FHAD1: variants seen among roughly 807,000 people sequenced by gnomAD.
FHAD1 encodes forkhead associated phosphopeptide binding domain 1.
A neutral mutation model predicts 191.3 loss-of-function variants in FHAD1; 146 were observed. The observed-to-expected ratio is 0.76, with a 90% CI of 0.67 to 0.88. The LOEUF is 0.88. Ranked by LOEUF, FHAD1 falls within the 40% of genes least tolerant of loss-of-function variation. The pLI is 0.00. For synonymous variants in FHAD1, 616 were observed against 672.3 expected, an observed-to-expected ratio of 0.92 and a Z score of 1.29; for missense variants, 1,635 against 1,785.8, an observed-to-expected ratio of 0.92 and a Z score of 1.52.
At chr1:15,252,072 AG>A (rs1646849185) in intron 2 of FHAD1, among the ~76,000 whole-genome samples, 195 bp downstream of exon 2, 1 of 152,182 alleles carries the variant, frequency 6.6e-6, no homozygotes, top group African/African-American at 2.4e-5. Context: ...AGTGAAGCTG[AG>A]TGCTGTACAG....
intron 6 of FHAD1, 146 bp from the exon 7 acceptor site, chr1:15,308,467 T>A: frequency 9.4e-7 from 1 of 1,064,162 alleles, no homozygotes; most frequent in Non-Finnish European, 1.3e-6. Context: ...CCCTGTCCCT[T>A]CCACTGGTTA....
chr1:15,270,457 G>A (rs1471124526), intron 2 of FHAD1, among the ~76,000 whole-genome samples: 16 of 152,082 alleles, frequency 1.1e-4, no homozygotes, highest in Admixed American at 1.0e-3. Flanking sequence ...CTACCAAATG[G>A]GAAACTATCT....
At chr1:15,397,139 C>T (rs1354433505) in intron 33 of FHAD1, among the ~76,000 whole-genome samples, 158 bp from the exon 34 acceptor site, 5 of 147,824 alleles carry the variant, frequency 3.4e-5, no homozygotes, top group South Asian at 2.2e-4. Context: ...TGCAGTGAGC[C>T]GAGATCACAC....
chr1:15,265,724 C>A (rs1653122467), intron 2 of FHAD1, among the ~76,000 whole-genome samples: 1 of 152,098 alleles, frequency 6.6e-6, no homozygotes, highest in Non-Finnish European at 1.5e-5. Context: ...GTAATCCCAG[C>A]ACTTTTGGAG....
Position 15,289,653 on chromosome 1 carries a change from C to G in FHAD1, c.555C>G (p.Pro185=). 6.5e-7 allele frequency: 1 copy of G among 1,548,166 alleles called. No individual in the cohort carries two copies. Among genetic ancestry groups the G allele is most frequent in the Non-Finnish European group, 8.7e-7 (1 of 1,144,114 alleles). ...SFVVDDARKP[P]VIKQVWTNAM... The stretch of plus-strand genomic sequence containing the variant: ...TGGTGGACGACGCCCGCAAGCCACC[C>G]GTCATCAAGCAAGGTATGCGTCAGG... Residue 185 remains proline, a synonymous_variant, in exon 4 of 34, where the codon CCC becomes CCG. Transcript: ENST00000688493. The surrounding 1 kb of genome is among the most constrained non-coding windows in gnomAD (Gnocchi z 4.2).
intron 2 of FHAD1, among the ~76,000 whole-genome samples, chr1:15,259,117 T>A (rs7520597): frequency 6.6e-6 from 1 of 152,118 alleles, no homozygotes; most frequent in African/African-American, 2.4e-5. Context: ...ACAGTAGCCA[T>A]CCTAATGAGA....
downstream of FHAD1, among the ~76,000 whole-genome samples, chr1:15,402,766 T>G (rs1020454648): frequency 1.3e-5 from 2 of 152,204 alleles, no homozygotes; most frequent in African/African-American, 4.8e-5. Flanking sequence ...CCAGACTTTA[T>G]ACCCACAACT....
rs185703628 is a variant in FHAD1, at chr1:15,358,307, G to A, written c.2736+24G>A. On this transcript the variant is annotated intron_variant, in intron 21 of 33. Transcript: ENST00000688493. Reference sequence around the variant, plus strand: ...TGGTAAGTCGGTGCCTTCCGGGAACGGGAGAATTTTTCTCTCAATGGAAGA... The same window carrying A: ...TGGTAAGTCGGTGCCTTCCGGGAACAGGAGAATTTTTCTCTCAATGGAAGA... The A allele has an allele frequency of 2.1e-4, 316 of 1,518,238 alleles. No individual in the cohort carries two copies. The African/African-American group carries it at 3.9e-3, about 19-fold the overall frequency. 94.0% of individuals were successfully genotyped at this position (1,518,238 alleles called of 1,614,324 possible). A position where few individuals can be genotyped will look rare whatever the true frequency, so the allele number is the denominator to read the frequency against.
chr1:15,290,921 A>G (rs531268254), intron 4 of FHAD1, among the ~76,000 whole-genome samples: 5 of 151,828 alleles, frequency 3.3e-5, no homozygotes, highest in East Asian at 1.9e-4. Context: ...TCACCATGTT[A>G]GCCAGGATGG....
chr1:15,387,761 C>G (rs1236268075), intron 31 of FHAD1, among the ~76,000 whole-genome samples: 4 of 152,048 alleles, frequency 2.6e-5, no homozygotes, highest in African/African-American at 9.7e-5. Context: ...GGCACACGCC[C>G]GTAGTCGCAG....
chr1:15,245,792 G>T (rs997633728), upstream of FHAD1, among the ~76,000 whole-genome samples: 1 of 152,224 alleles, frequency 6.6e-6, no homozygotes, highest in Admixed American at 6.5e-5. Flanking sequence ...TGTTGCAAAT[G>T]CACATTCCTG....
In FHAD1 at chr1:15,375,583, CTACTT is replaced by C. The variant is rs1227668984; in HGVS notation, c.3578-17_3578-13del. The C allele has an allele frequency of 2.0e-6, 3 of 1,505,972 alleles. No individual in the cohort carries two copies. Among genetic ancestry groups the C allele is most frequent in the Non-Finnish European group, 2.7e-6 (3 of 1,131,458 alleles). 93.3% of individuals were successfully genotyped at this position (1,505,972 alleles called of 1,614,324 possible). On this transcript the variant is annotated splice_polypyrimidine_tract_variant and intron_variant, in intron 27 of 33. Transcript: ENST00000688493. Reference sequence around the variant, plus strand: ...TTCTTCCTGAGCCTTTCTTTTGAGTCTACTTTATTTCTTTTACAGATCATAAAGAC... The same window carrying C: ...TTCTTCCTGAGCCTTTCTTTTGAGTCTATTTCTTTTACAGATCATAAAGAC...
At chr1:15,396,912 C>T (rs11579631) in intron 33 of FHAD1, among the ~76,000 whole-genome samples, 5,738 of 150,952 alleles carry the variant, frequency 0.038, 346 homozygotes, top group African/African-American at 0.13. Context: ...AGGCTGGGTG[C>T]GGTGGCTCAA....
At chr1:15,359,898 C>T (rs544180026) in intron 21 of FHAD1, among the ~76,000 whole-genome samples, 58 of 151,892 alleles carry the variant, frequency 3.8e-4, no homozygotes, top group South Asian at 4.2e-4. Flanking sequence ...TGCAGTGAGC[C>T]GAGATCGCGC....
At chr1:15,373,524 G>A (rs1698717396) in intron 26 of FHAD1, among the ~76,000 whole-genome samples, 3 of 151,054 alleles carry the variant, frequency 2.0e-5, no homozygotes, top group African/African-American at 2.4e-5. Context: ...AAAAAAAATG[G>A]TGAAAAAGGC....
intron 20 of FHAD1, 127 bp from the exon 21 acceptor site, chr1:15,357,983 C>T (rs1232244568): frequency 3.0e-6 from 2 of 675,018 alleles, no homozygotes; most frequent in East Asian, 3.1e-5. Context: ...GGACTTTGTG[C>T]TTTAAAAGAA....
intron 31 of FHAD1, chr1:15,384,222 G>A (rs1016341459): frequency 6.3e-6 from 1 of 159,962 alleles, no homozygotes; most frequent in African/African-American, 2.4e-5. Flanking sequence ...CCCCAAAAAT[G>A]AAGGCAGCGC....
chr1:15,259,956 G>A (rs1354340730), intron 2 of FHAD1, among the ~76,000 whole-genome samples: 1 of 152,212 alleles, frequency 6.6e-6, no homozygotes, highest in African/African-American at 2.4e-5. Flanking sequence ...ATGGCATGAT[G>A]AGGGCTGGAT....
chr1:15,380,583 G>A (rs1033701517), intron 28 of FHAD1, 118 bp from the exon 29 acceptor site: 31 of 757,376 alleles, frequency 4.1e-5, no homozygotes, highest in Admixed American at 1.4e-4. Context: ...ATCAGGACGC[G>A]GACTGAAAAT....
Sources: allele counts gnomAD v4.1 joint callset (sites outside exome capture counted in the v4.1 genomes callset), GRCh38; gene constraint gnomAD v4.1.1; non-coding constraint Gnocchi (gnomAD v3.1); transcripts MANE v1.5; gene names NCBI Gene and HGNC (gene_info 2026-07-23, HGNC 2026-07-21).